Variants in ZNF678 observed in about 807,000 individuals in gnomAD.
The protein encoded by ZNF678 is zinc finger protein 678.
Under a neutral mutation model 3.0 loss-of-function variants are expected in ZNF678, and 5 were observed. The observed-to-expected ratio is 1.69, with a 90% CI of 0.88 to 3.56. ZNF678 has a LOEUF of 3.56. ZNF678 is among the 30% of genes most tolerant of loss of function. The probability of loss-of-function intolerance (pLI) is 0.00; values close to 1 mark genes in which losing one functional copy is unlikely to be tolerated. For missense variants in ZNF678, 593 were observed against 605.0 expected (o/e 0.98, Z 0.21); for synonymous variants, 218 against 199.6 (o/e 1.09, Z -0.78).
rs79326613 is a variant in ZNF678 at position 227,563,869 on chromosome 1, C to T, written c.-164+145C>T. On this transcript the variant is annotated intron_variant, in intron 1 of 3. Coordinates refer to ENST00000343776, the MANE Select transcript of ZNF678 (RefSeq NM_001367909.1). ...GGGGCCAGGCCGCCGCGGGATTCTC[C>T]TCCCATCACTGCGCCGCGGCTTCCG... 5.0e-3 allele frequency: 3,447 copies of T among 695,032 alleles called. 115 individuals carry two copies. In the East Asian group the frequency reaches 0.078, roughly 16 times the overall value. 43.1% of individuals were successfully genotyped at this position (695,032 alleles called of 1,614,324 possible). A position where few individuals can be genotyped will look rare whatever the true frequency, so the allele number is the denominator to read the frequency against.
chr1:227,583,074 T>G (rs974582267), intron 1 of ZNF678, among the ~76,000 whole-genome samples: 1 of 152,142 alleles, frequency 6.6e-6, no homozygotes, highest in Non-Finnish European at 1.5e-5. Context: ...TTTAAACACT[T>G]GTTTTTATTT....
chr1:227,630,098 T>C (rs6679855), intron 1 of ZNF678, among the ~76,000 whole-genome samples: 33,475 of 152,126 alleles, frequency 0.22, 4,133 homozygotes, highest in African/African-American at 0.33. Flanking sequence ...TGCAGCTGAC[T>C]GAGTGATAAA....
At chr1:227,630,639 G>T (rs1373776263) in intron 1 of ZNF678, among the ~76,000 whole-genome samples, 1 of 152,210 alleles carries the variant, frequency 6.6e-6, no homozygotes, top group Non-Finnish European at 1.5e-5. Flanking sequence ...GAGGGAAAAA[G>T]GTACATGCAC....
At chr1:227,598,903 TC>T (rs1366764346) in intron 1 of ZNF678, 4 of 710,740 alleles carry the variant, frequency 5.6e-6, no homozygotes, top group Non-Finnish European at 1.0e-5. Context: ...AGCTCTCACT[TC>T]CACTTAACAA....
At chr1:227,581,293 A>C (rs1289879946) in intron 1 of ZNF678, among the ~76,000 whole-genome samples, 1 of 152,024 alleles carries the variant, frequency 6.6e-6, no homozygotes, top group Non-Finnish European at 1.5e-5. Flanking sequence ...ATTCTGCAAC[A>C]TACCTAGGTA....
At chr1:227,619,903 T>C (rs774044582) in intron 1 of ZNF678, among the ~76,000 whole-genome samples, 1 of 152,146 alleles carries the variant, frequency 6.6e-6, no homozygotes, top group Non-Finnish European at 1.5e-5. Flanking sequence ...TAAGCTAAAA[T>C]CTTAGACAAC....
intron 1 of ZNF678, among the ~76,000 whole-genome samples, chr1:227,632,164 T>C (rs992077402): frequency 6.6e-6 from 1 of 152,178 alleles, no homozygotes; most frequent in East Asian, 1.9e-4. Flanking sequence ...AAGAGCTGTG[T>C]ACCTAAATTG....
chr1:227,592,302 T>A (rs2102739605), intron 1 of ZNF678, among the ~76,000 whole-genome samples: 1 of 152,350 alleles, frequency 6.6e-6, no homozygotes, highest in South Asian at 2.1e-4. Flanking sequence ...GGATTTTAGG[T>A]TTAGGTTTTG....
chr1:227,565,512 A>G (rs1436449221), intron 1 of ZNF678, among the ~76,000 whole-genome samples: 1 of 147,962 alleles, frequency 6.8e-6, no homozygotes, highest in Non-Finnish European at 1.5e-5. Flanking sequence ...GTGTGCTGCC[A>G]TGCCCAGCTA....
intron 1 of ZNF678, among the ~76,000 whole-genome samples, chr1:227,617,374 T>A (rs192818292): frequency 3.3e-5 from 5 of 152,318 alleles, no homozygotes. Context: ...TGGTTTCTTC[T>A]CTTGCTAAAC....
In ZNF678 at chr1:227,659,932, A is replaced by G. The variant is rs1169746550; in HGVS notation, c.*4104A>G. 2.0e-5 allele frequency: 3 copies of G among 152,014 alleles called. No homozygotes were observed. Among genetic ancestry groups the G allele is most frequent in the African/African-American group, 7.2e-5 (3 of 41,426 alleles). 9.4% of individuals were successfully genotyped at this position (152,014 alleles called of 1,614,324 possible). A position where few individuals can be genotyped will look rare whatever the true frequency, so the allele number is the denominator to read the frequency against. ...ATAACTGTATTCACTCTGCACTACA[A>G]TAGGTCTCTTGAACTAATTCCTCCT... is the stretch of plus-strand genomic sequence containing the variant. On this transcript the variant is annotated 3_prime_UTR_variant, in exon 4 of 4. Coordinates refer to ENST00000343776, the MANE Select transcript of ZNF678 (RefSeq NM_001367909.1).
intron 1 of ZNF678, among the ~76,000 whole-genome samples, chr1:227,564,235 G>A (rs976905988): frequency 6.6e-6 from 1 of 152,160 alleles, no homozygotes; most frequent in African/African-American, 2.4e-5. Context: ...AATAATTGAC[G>A]ACAGTTACAG....
chr1:227,563,901 C>A (rs4653853), intron 1 of ZNF678, among the ~76,000 whole-genome samples, 177 bp downstream of exon 1: 79,272 of 152,018 alleles, frequency 0.52, 21,913 homozygotes, highest in Non-Finnish European at 0.62. Context: ...TCCGCCCCGG[C>A]CTCTCTGGGC....
At chr1:227,602,494 C>T (rs1657760806) in intron 1 of ZNF678, among the ~76,000 whole-genome samples, 1 of 151,798 alleles carries the variant, frequency 6.6e-6, no homozygotes, top group African/African-American at 2.4e-5. Flanking sequence ...CTTATTTGGA[C>T]CACACACCCT....
At chr1:227,670,083 A>T (rs1342956431) in intron 5 of ZNF678, among the ~76,000 whole-genome samples, 1 of 152,240 alleles carries the variant, frequency 6.6e-6, no homozygotes, top group Non-Finnish European at 1.5e-5. Flanking sequence ...TCTAAAGCAG[A>T]TTAACTCTGG....
intron 3 of ZNF678, among the ~76,000 whole-genome samples, chr1:227,651,485 A>G (rs1659091796): frequency 6.6e-6 from 1 of 152,164 alleles, no homozygotes; most frequent in African/African-American, 2.4e-5. Flanking sequence ...ATGGCCGTGA[A>G]TGAGCATCTG....
chr1:227,586,185 C>A (rs1463943405), intron 1 of ZNF678, among the ~76,000 whole-genome samples: 1 of 151,468 alleles, frequency 6.6e-6, no homozygotes, highest in Non-Finnish European at 1.5e-5. Flanking sequence ...ATAGGAAGAC[C>A]CCATCTCCAA....
chr1:227,624,617 C>T (rs1210915162), intron 1 of ZNF678, among the ~76,000 whole-genome samples: 4 of 152,140 alleles, frequency 2.6e-5, no homozygotes, highest in South Asian at 2.1e-4. Context: ...GTTGGCCTCA[C>T]GGATTCCAAG....
chr1:227,591,833 A>C (rs929968692), intron 1 of ZNF678, among the ~76,000 whole-genome samples: 1 of 152,218 alleles, frequency 6.6e-6, no homozygotes, highest in Non-Finnish European at 1.5e-5. Flanking sequence ...TGATGTATAC[A>C]CTGCGAACAG....
Sources: allele counts gnomAD v4.1 joint callset (sites outside exome capture counted in the v4.1 genomes callset), GRCh38; gene constraint gnomAD v4.1.1; transcripts MANE v1.5; gene names NCBI Gene and HGNC (gene_info 2026-07-23, HGNC 2026-07-21).